Variants in DPP10 observed in about 807,000 individuals in gnomAD.
DPP10 encodes the protein dipeptidyl peptidase like 10, also known as inactive dipeptidyl peptidase 10.
DPP10 carries 33 observed loss-of-function variants against 120.9 expected under a neutral mutation model. That is an observed-to-expected ratio of 0.27 (90% CI 0.21 to 0.37). The LOEUF is 0.37. DPP10 is among the 10% of genes least tolerant of loss of function. The pLI is 1.00. For missense variants in DPP10, 816 were observed against 942.8 expected (o/e 0.87, Z 1.76); for synonymous variants, 337 against 326.1 (o/e 1.03, Z -0.36).
chr2:115,720,292 TGTAA>T (rs1484463602), intron 7 of DPP10, among the ~76,000 whole-genome samples: 3 of 152,174 alleles, frequency 2.0e-5, no homozygotes, highest in Non-Finnish European at 2.9e-5. Flanking sequence ...ACCAAAAGAA[TGTAA>T]GTGACATAAA....
rs111257264 is a variant in DPP10 at position 114,869,342 on chromosome 2, C to T, written c.60+426504C>T. Among the ~76,000 whole-genome samples, 593 of 152,226 alleles carry T rather than the reference C, an allele frequency of 3.9e-3. 4 individuals are homozygous for T. The highest frequency in any genetic ancestry group is 0.012 in the African/African-American group (518 of 41,538). On this transcript the variant is annotated intron_variant, in intron 1 of 25. Transcript: ENST00000410059. ...CGCACTGTTTGTTGTTTATTGTGCACTGGCTCCCAGCTTGTCTGAGTCTGG... is the reference window on the plus strand; with the variant it reads ...CGCACTGTTTGTTGTTTATTGTGCATTGGCTCCCAGCTTGTCTGAGTCTGG...
intron 1 of DPP10, among the ~76,000 whole-genome samples, chr2:114,531,331 T>C (rs1685961908): frequency 1.3e-5 from 2 of 152,026 alleles, no homozygotes; most frequent in African/African-American, 4.8e-5. Context: ...TCTGAAGACT[T>C]CTAAAAAGTA....
intron 1 of DPP10, among the ~76,000 whole-genome samples, chr2:114,627,841 A>G (rs1434177204): frequency 6.6e-6 from 1 of 152,128 alleles, no homozygotes; most frequent in Non-Finnish European, 1.5e-5. Flanking sequence ...CTATCTTGGG[A>G]TTGGCATTGG....
chr2:115,639,770 C>A (rs576359127), intron 5 of DPP10, among the ~76,000 whole-genome samples: 4 of 152,198 alleles, frequency 2.6e-5, no homozygotes, highest in African/African-American at 9.6e-5. Flanking sequence ...ATTCAGGAAT[C>A]TGCATTTTAA....
intron 1 of DPP10, among the ~76,000 whole-genome samples, chr2:114,454,369 G>T (rs1678448483): frequency 6.6e-6 from 1 of 152,078 alleles, no homozygotes; most frequent in East Asian, 1.9e-4. Context: ...AGTAATTATT[G>T]TTCTTATTTT....
intron 8 of DPP10, among the ~76,000 whole-genome samples, chr2:115,736,241 C>T (rs1456530187): frequency 2.6e-5 from 4 of 152,118 alleles, no homozygotes; most frequent in Non-Finnish European, 5.9e-5. Flanking sequence ...ACTACTTCTA[C>T]CCCTTAGTGC....
intron 1 of DPP10, among the ~76,000 whole-genome samples, chr2:114,893,583 C>G (rs1692719894): frequency 6.6e-6 from 1 of 152,078 alleles, no homozygotes; most frequent in Non-Finnish European, 1.5e-5. Flanking sequence ...ATAGGAAACC[C>G]AAACAGATTA....
chr2:114,720,474 G>A (rs1701633226), intron 1 of DPP10, among the ~76,000 whole-genome samples: 1 of 151,892 alleles, frequency 6.6e-6, no homozygotes, highest in Non-Finnish European at 1.5e-5. Context: ...AGTTATATTT[G>A]GAAAGAATGA....
chr2:114,560,334 A>T (rs1474530287), intron 1 of DPP10, among the ~76,000 whole-genome samples: 3 of 152,210 alleles, frequency 2.0e-5, no homozygotes, highest in African/African-American at 7.2e-5. Context: ...TTTAAATAAA[A>T]TTAAAGAAGC....
intron 1 of DPP10, among the ~76,000 whole-genome samples, chr2:114,806,466 T>A (rs1409013397): frequency 6.6e-6 from 1 of 152,218 alleles, no homozygotes. Flanking sequence ...GAAAAAGGAA[T>A]AAATTGAACT....
At position 115,717,476 on chromosome 2, in the gene DPP10, T is replaced by G. The variant is rs550121651; in HGVS notation, c.577-10340T>G. Among the ~76,000 whole-genome samples, 8 of 152,342 alleles carry G rather than the reference T, an allele frequency of 5.3e-5. No individual in the cohort carries two copies. The East Asian group carries it at 1.5e-3, about 29-fold the overall frequency. On this transcript the variant is annotated intron_variant, in intron 7 of 25. Coordinates refer to ENST00000410059, the MANE Select transcript of DPP10 (RefSeq NM_020868.6). ...AAGTTTCACCATTACCTACCAGCTGTGTAAACTTGGGCAAGTTACTTAATG... is the reference window on the plus strand; with the variant it reads ...AAGTTTCACCATTACCTACCAGCTGGGTAAACTTGGGCAAGTTACTTAATG...
At chr2:115,315,247 CTGCACACACACACA>C (rs904704560) in intron 2 of DPP10, among the ~76,000 whole-genome samples, 4 of 151,164 alleles carry the variant, frequency 2.6e-5, no homozygotes, top group African/African-American at 9.7e-5. Context: ...ATTCATATGC[CTGCACACACACACA>C]TGCACACACA....
intron 1 of DPP10, among the ~76,000 whole-genome samples, chr2:114,790,784 T>C (rs1444808291): frequency 1.3e-5 from 2 of 152,188 alleles, no homozygotes; most frequent in Non-Finnish European, 2.9e-5. Flanking sequence ...ATACTTCTTT[T>C]GTGGTGGAAT....
intron 21 of DPP10, among the ~76,000 whole-genome samples, chr2:115,819,092 G>C (rs899138287): frequency 6.6e-6 from 1 of 152,164 alleles, no homozygotes; most frequent in East Asian, 1.9e-4. Context: ...TCATAAAACG[G>C]GTTGGAAAAC....
chr2:115,627,331 T>C (rs73946581), intron 5 of DPP10, among the ~76,000 whole-genome samples: 30,156 of 151,946 alleles, frequency 0.2, 3,886 homozygotes, highest in African/African-American at 0.36. Context: ...TACTCACATA[T>C]GGCATACATA....
intron 1 of DPP10, among the ~76,000 whole-genome samples, chr2:115,002,107 A>T (rs141713985): frequency 6.6e-5 from 10 of 152,324 alleles, no homozygotes; most frequent in Non-Finnish European, 1.5e-4. Context: ...AGCTGGAGGC[A>T]TCATGTCACC....
chr2:115,192,794 C>T (rs757856789), intron 1 of DPP10, among the ~76,000 whole-genome samples: 1 of 151,628 alleles, frequency 6.6e-6, no homozygotes, highest in Admixed American at 6.6e-5. Context: ...CTCTTTTTAA[C>T]CCTTTATAAT....
intron 5 of DPP10, among the ~76,000 whole-genome samples, chr2:115,652,294 G>A (rs984930525): frequency 6.6e-6 from 1 of 151,874 alleles, no homozygotes; most frequent in African/African-American, 2.4e-5. Flanking sequence ...GGTAAATGAA[G>A]TGTATAGCAC....
At chr2:114,625,411 CTA>C (rs1278328690) in intron 1 of DPP10, among the ~76,000 whole-genome samples, 1 of 151,918 alleles carries the variant, frequency 6.6e-6, no homozygotes, top group African/African-American at 2.4e-5. Flanking sequence ...AGGAGGCACA[CTA>C]TGTTATTTGA....
Sources: allele counts gnomAD v4.1 joint callset (sites outside exome capture counted in the v4.1 genomes callset), GRCh38; gene constraint gnomAD v4.1.1; transcripts MANE v1.5; gene names NCBI Gene and HGNC (gene_info 2026-07-23, HGNC 2026-07-21).